Variants in REC114 observed in about 807,000 individuals in gnomAD.
REC114 encodes the protein meiotic recombination protein REC114.
Under a neutral mutation model 31.3 loss-of-function variants are expected in REC114, and 27 were observed. The ratio of observed to expected loss-of-function variants is 0.86; its 90% CI spans 0.64 to 1.19. REC114 has a LOEUF of 1.19. REC114 is among the 50% of genes most tolerant of loss of function. REC114 has a pLI of 0.00. For synonymous variants in REC114, 134 were observed against 127.7 expected, an observed-to-expected ratio of 1.05 and a Z score of -0.33; for missense variants, 344 against 326.9, an observed-to-expected ratio of 1.05 and a Z score of -0.40.
chr15:73,496,472 G>A (rs1317622100), intron 2 of REC114, among the ~76,000 whole-genome samples: 1 of 151,236 alleles, frequency 6.6e-6, no homozygotes, highest in African/African-American at 2.4e-5. Flanking sequence ...GGCCAACATG[G>A]CAAAACCTCA....
chr15:73,481,790 C>T (rs986165864), intron 2 of REC114, among the ~76,000 whole-genome samples: 1 of 151,238 alleles, frequency 6.6e-6, no homozygotes, highest in Non-Finnish European at 1.5e-5. Context: ...TCCTGAGTAG[C>T]TGGAATTACA....
chr15:73,474,205 G>A (rs775618812), intron 2 of REC114, among the ~76,000 whole-genome samples: 3 of 152,186 alleles, frequency 2.0e-5, no homozygotes, highest in African/African-American at 4.8e-5. Context: ...AGTTAAGATA[G>A]GCTTGTTAAC....
Position 73,556,361 on chromosome 15 carries a change from C to CGGA in REC114, c.607_609dup (p.Gly203dup). 6.2e-7 allele frequency: 1 copy of CGGA among 1,613,732 alleles called. No homozygotes were observed. The highest frequency in any genetic ancestry group is 8.5e-7 in the Non-Finnish European group (1 of 1,179,746). Reference sequence around the variant, plus strand: ...TAACAGCGGGCACAGGCGCTCCAGACGGAAGGACCTCACTGACGCAGTTAG... The same window carrying CGGA: ...TAACAGCGGGCACAGGCGCTCCAGACGGAGGAAGGACCTCACTGACGCAGTTAG... On this transcript the variant is annotated inframe_insertion, in exon 5 of 6. Transcript: ENST00000331090.
chr15:73,467,791 A>T (rs1893081791), intron 1 of REC114, among the ~76,000 whole-genome samples: 1 of 152,218 alleles, frequency 6.6e-6, no homozygotes, highest in Non-Finnish European at 1.5e-5. Flanking sequence ...AAACAACGCA[A>T]ACATTAGCTT....
intron 1 of REC114, among the ~76,000 whole-genome samples, chr15:73,461,509 T>G (rs558982643): frequency 6.6e-6 from 1 of 152,178 alleles, no homozygotes; most frequent in African/African-American, 2.4e-5. Flanking sequence ...CATGTAGATA[T>G]AATTTAGGGT....
intron 2 of REC114, among the ~76,000 whole-genome samples, chr15:73,500,763 AT>A (rs1893594219): frequency 7.7e-6 from 1 of 130,696 alleles, no homozygotes; most frequent in South Asian, 2.3e-4. Flanking sequence ...TGGTAACATC[AT>A]TTTCTTGATT....
chr15:73,480,785 C>A (rs1194697774), intron 2 of REC114, among the ~76,000 whole-genome samples: 3 of 152,200 alleles, frequency 2.0e-5, no homozygotes. Context: ...TCAAGCGATT[C>A]TCCTGCCTCA....
chr15:73,499,834 C>A (rs1013198185), intron 2 of REC114, among the ~76,000 whole-genome samples: 5 of 152,130 alleles, frequency 3.3e-5, no homozygotes, highest in African/African-American at 1.2e-4. Context: ...TTCACCCTTG[C>A]TTTTAATGTT....
intron 2 of REC114, among the ~76,000 whole-genome samples, chr15:73,532,794 G>A (rs1337332487): frequency 2.0e-5 from 3 of 151,888 alleles, no homozygotes; most frequent in African/African-American, 4.8e-5. Context: ...GAGAAAGGTC[G>A]GGTTACCCTC....
At chr15:73,478,155 T>C (rs977581658) in intron 2 of REC114, among the ~76,000 whole-genome samples, 1 of 148,874 alleles carries the variant, frequency 6.7e-6, no homozygotes, top group Non-Finnish European at 1.5e-5. Flanking sequence ...TCCCAGTGAC[T>C]CGGGAGGCTG....
At chr15:73,447,021 A>G (rs1892774081) in intron 1 of REC114, among the ~76,000 whole-genome samples, 1 of 152,218 alleles carries the variant, frequency 6.6e-6, no homozygotes. Context: ...TATTGGGAAT[A>G]TATTTTGGAG....
At chr15:73,511,738 A>G (rs1282239939) in intron 2 of REC114, among the ~76,000 whole-genome samples, 3 of 147,326 alleles carry the variant, frequency 2.0e-5, no homozygotes, top group East Asian at 2.0e-4. Flanking sequence ...TTCAGTTTCC[A>G]TGTAGTTGAG....
At chr15:73,526,384 T>G (rs1894008291) in intron 2 of REC114, among the ~76,000 whole-genome samples, 1 of 152,206 alleles carries the variant, frequency 6.6e-6, no homozygotes, top group African/African-American at 2.4e-5. Flanking sequence ...GTTTGTTTCT[T>G]TTTCCCTCTT....
chr15:73,470,344 G>A (rs1305045153), intron 1 of REC114, among the ~76,000 whole-genome samples: 11 of 152,038 alleles, frequency 7.2e-5, no homozygotes, highest in Admixed American at 7.2e-4. Flanking sequence ...ATTATTTCCT[G>A]CACTCTTCAT....
At chr15:73,528,401 A>C (rs1024944606) in intron 2 of REC114, among the ~76,000 whole-genome samples, 1 of 152,212 alleles carries the variant, frequency 6.6e-6, no homozygotes, top group Non-Finnish European at 1.5e-5. Flanking sequence ...AAGTAATCTT[A>C]TAAAATCTGA....
intron 5 of REC114, among the ~76,000 whole-genome samples, chr15:73,557,532 A>C (rs2141339619): frequency 6.6e-6 from 1 of 152,306 alleles, no homozygotes; most frequent in African/African-American, 2.4e-5. Context: ...CTAAGAATTC[A>C]TGTTTATTTC....
intron 2 of REC114, among the ~76,000 whole-genome samples, chr15:73,488,588 A>G (rs546708615): frequency 1.3e-5 from 2 of 152,244 alleles, no homozygotes; most frequent in East Asian, 3.8e-4. Context: ...CACAAACACA[A>G]TTCAACCAAG....
intron 2 of REC114, among the ~76,000 whole-genome samples, chr15:73,500,728 G>GTTTTTT (rs58043618): frequency 9.6e-6 from 1 of 103,732 alleles, no homozygotes. Context: ...TTCAATTATT[G>GTTTTTT]TTTTTTTTTT....
chr15:73,474,737 C>T (rs1474914889), intron 2 of REC114, among the ~76,000 whole-genome samples: 2 of 152,100 alleles, frequency 1.3e-5, no homozygotes, highest in East Asian at 1.9e-4. Context: ...TATCATCATT[C>T]TAGTGGGGGA....
Sources: gnomAD v4.1 joint callset for allele counts (sites outside exome capture counted in the v4.1 genomes callset) on GRCh38, gnomAD v4.1.1 for gene constraint, MANE v1.5 for transcripts, NCBI Gene and HGNC (gene_info 2026-07-23, HGNC 2026-07-21) for gene names.